Variants in STXBP4 observed in about 807,000 individuals in gnomAD.
STXBP4 encodes the protein syntaxin binding protein 4.
In STXBP4, 55 loss-of-function variants were observed where a neutral mutation model predicts 76.1. The ratio of observed to expected loss-of-function variants is 0.72; its 90% CI spans 0.58 to 0.91. STXBP4 has a LOEUF of 0.91. STXBP4 is among the 40% of genes least tolerant of loss of function. STXBP4 has a pLI of 0.00. For missense variants in STXBP4, 618 were observed against 636.9 expected (o/e 0.97, Z 0.32); for synonymous variants, 201 against 220.2 (o/e 0.91, Z 0.77).
At chr17:55,205,400 C>T in the STXBP4 span, among the ~76,000 whole-genome samples, 1 of 152,064 alleles carries the variant, frequency 6.6e-6, no homozygotes, top group African/African-American at 2.4e-5. Context: ...AAAAGCCTTT[C>T]GTAGGTTAGC....
Position 55,172,266 on chromosome 17 carries a change from A to C in STXBP4, c.*12355A>C, listed in dbSNP as rs1465384315. ...TTAGAAACACCTGGAGAGATTTTAAAATTTACAAAGCCTAGCCAAACCCCA... is the reference window on the plus strand; with the variant it reads ...TTAGAAACACCTGGAGAGATTTTAACATTTACAAAGCCTAGCCAAACCCCA... On this transcript the variant is annotated 3_prime_UTR_variant, in exon 18 of 18. Coordinates refer to ENST00000376352, the MANE Select transcript of STXBP4 (RefSeq NM_178509.6). 6.6e-6 allele frequency: 1 copy of C among 152,170 alleles called. No homozygotes were observed. Among genetic ancestry groups the C allele is most frequent in the Admixed American group, 6.5e-5 (1 of 15,274 alleles). 9.4% of individuals were successfully genotyped at this position (152,170 alleles called of 1,614,324 possible). A position where few individuals can be genotyped will look rare whatever the true frequency, so the allele number is the denominator to read the frequency against.
At chr17:55,087,858 T>A (rs1344755198) in intron 16 of STXBP4, among the ~76,000 whole-genome samples, 1 of 152,202 alleles carries the variant, frequency 6.6e-6, no homozygotes, top group East Asian at 1.9e-4. Context: ...GTACTATTAA[T>A]AATTATTCTG....
At chr17:54,987,960 C>A (rs1439688530) in intron 3 of STXBP4, among the ~76,000 whole-genome samples, 1 of 151,928 alleles carries the variant, frequency 6.6e-6, no homozygotes, top group Non-Finnish European at 1.5e-5. Context: ...TAAAGTTGAG[C>A]AGAACTATTT....
chr17:55,087,865 T>C (rs1432962740), intron 16 of STXBP4, among the ~76,000 whole-genome samples: 2 of 152,158 alleles, frequency 1.3e-5, no homozygotes, highest in African/African-American at 4.8e-5. Context: ...TAATAATTAT[T>C]CTGATCTGTG....
chr17:55,141,184 T>C lies in STXBP4; in HGVS notation c.1490-126T>C, dbSNP rs555703674. On this transcript the variant is annotated intron_variant, in intron 16 of 17. Transcript: ENST00000376352. Reference sequence around the variant, plus strand: ...ATCTGAATTGTCTTAATTCCCCCTTTCTAGAAAATTATTTTGTATAAGAAA... The same window carrying C: ...ATCTGAATTGTCTTAATTCCCCCTTCCTAGAAAATTATTTTGTATAAGAAA... 3.1e-5 allele frequency: 24 copies of C among 765,908 alleles called. 1 individual carries two copies. In the South Asian group the frequency reaches 4.1e-4, roughly 13 times the overall value. 47.4% of individuals were successfully genotyped at this position (765,908 alleles called of 1,614,324 possible).
chr17:55,016,221 G>A (rs933607599), intron 8 of STXBP4, among the ~76,000 whole-genome samples: 5 of 151,998 alleles, frequency 3.3e-5, no homozygotes, highest in African/African-American at 7.3e-5. Flanking sequence ...TCTGTTTATC[G>A]GTTTAGTTAC....
chr17:55,078,899 T>C (rs1297266221), intron 15 of STXBP4, among the ~76,000 whole-genome samples, 164 bp downstream of exon 15: 2 of 152,344 alleles, frequency 1.3e-5, no homozygotes, highest in Admixed American at 6.5e-5. Context: ...TATTGTTTTG[T>C]GTCCCATCTC....
rs142503078 is a variant in STXBP4, at chr17:55,163,218, G to GTTTTTTTTT, written c.*3315_*3323dup. The GTTTTTTTTT allele has an allele frequency of 2.2e-5, 3 of 135,440 alleles. No individual in the cohort carries two copies. Among genetic ancestry groups the GTTTTTTTTT allele is most frequent in the Non-Finnish European group, 1.6e-5 (1 of 63,938 alleles). 8.4% of individuals were successfully genotyped at this position (135,440 alleles called of 1,614,324 possible). A position where few individuals can be genotyped will look rare whatever the true frequency, so the allele number is the denominator to read the frequency against. Reference sequence around the variant, plus strand: ...CCAAATGTTCCTATAGATTTTCTGGGTTTTTTTTTTTTTTTTGTCCTTGGA... The same window carrying GTTTTTTTTT: ...CCAAATGTTCCTATAGATTTTCTGGGTTTTTTTTTTTTTTTTTTTTTTTTTGTCCTTGGA... On this transcript the variant is annotated 3_prime_UTR_variant, in exon 18 of 18. Transcript: ENST00000376352.
At chr17:55,146,716 CAAAAAAAAAGAAA>C (rs1344104207) in intron 17 of STXBP4, among the ~76,000 whole-genome samples, 1 of 122,126 alleles carries the variant, frequency 8.2e-6, no homozygotes, top group African/African-American at 3.4e-5. Flanking sequence ...GACTCCGTCT[CAAAAAAAAAGAAA>C]AAAAAAAAAG....
At chr17:55,022,770 A>G (rs1212054326) in intron 8 of STXBP4, among the ~76,000 whole-genome samples, 1 of 68,622 alleles carries the variant, frequency 1.5e-5, no homozygotes, top group Non-Finnish European at 2.6e-5. Context: ...TGGAGCCTGG[A>G]CTATTTTAAG....
intron 17 of STXBP4, among the ~76,000 whole-genome samples, chr17:55,152,388 C>T (rs1271830752): frequency 1.3e-5 from 2 of 152,176 alleles, no homozygotes; most frequent in Non-Finnish European, 2.9e-5. Flanking sequence ...CATACAAGTA[C>T]TTTTTATTCA....
chr17:55,058,402 T>A (rs2078958192), intron 12 of STXBP4, among the ~76,000 whole-genome samples: 1 of 152,198 alleles, frequency 6.6e-6, no homozygotes, highest in African/African-American at 2.4e-5. Flanking sequence ...ATGGGGTTAA[T>A]ACATTTAAAT....
intron 1 of STXBP4, among the ~76,000 whole-genome samples, 200 bp downstream of exon 1, chr17:54,969,015 C>T (rs941229996): frequency 6.6e-6 from 1 of 152,230 alleles, no homozygotes; most frequent in African/African-American, 2.4e-5. Context: ...GCGGTCTTTT[C>T]TCCTGGGGTC....
chr17:55,015,342 T>C (rs1022024522), intron 8 of STXBP4, among the ~76,000 whole-genome samples: 1 of 152,212 alleles, frequency 6.6e-6, no homozygotes, highest in Non-Finnish European at 1.5e-5. Context: ...CCTGCTGGCC[T>C]GTGGGGAATT....
intron 16 of STXBP4, among the ~76,000 whole-genome samples, chr17:55,129,596 A>AGGAG (rs750840511): frequency 3.3e-5 from 5 of 152,196 alleles, no homozygotes; most frequent in East Asian, 3.9e-4. Flanking sequence ...AAAGAAAAGA[A>AGGAG]GGAGGGAGGG....
At chr17:55,016,279 C>T (rs181942233) in intron 8 of STXBP4, among the ~76,000 whole-genome samples, 1 of 152,078 alleles carries the variant, frequency 6.6e-6, no homozygotes, top group Admixed American at 6.5e-5. Context: ...CTTTCTTGAC[C>T]ACAAAGAAAG....
At chr17:55,104,339 G>A (rs1485709138) in intron 16 of STXBP4, among the ~76,000 whole-genome samples, 1 of 152,070 alleles carries the variant, frequency 6.6e-6, no homozygotes, top group Non-Finnish European at 1.5e-5. Context: ...GCATGAATGG[G>A]TGTTGAATTT....
chr17:55,111,596 G>A (rs1445474480), intron 16 of STXBP4, among the ~76,000 whole-genome samples: 1 of 152,048 alleles, frequency 6.6e-6, no homozygotes, highest in Admixed American at 6.6e-5. Flanking sequence ...TTGTTTAAAA[G>A]TGTGCAGCAC....
chr17:55,185,308 T>C, the STXBP4 span, among the ~76,000 whole-genome samples: 268 of 71,220 alleles, frequency 3.8e-3, 1 homozygote, highest in Non-Finnish European at 4.2e-3. Context: ...TCCTTCTCCT[T>C]CTCCTTCTCC....
Sources: gnomAD v4.1 joint callset for allele counts (sites outside exome capture counted in the v4.1 genomes callset) on GRCh38, gnomAD v4.1.1 for gene constraint, MANE v1.5 for transcripts, NCBI Gene and HGNC (gene_info 2026-07-23, HGNC 2026-07-21) for gene names.